The following PVT1 variants were observed in gnomAD, a reference collection of about 807,000 sequenced individuals.
PVT1 encodes the protein Pvt1 oncogene.
At chr8:128,094,659 A>G (rs561822540) in intron 5 of PVT1, among the ~76,000 whole-genome samples, 9 of 152,270 alleles carry the variant, frequency 5.9e-5, no homozygotes, top group Non-Finnish European at 1.3e-4. Context: ...GCTTGATATC[A>G]AGTGGGCACT....
intron 4 of PVT1, among the ~76,000 whole-genome samples, chr8:128,069,902 C>T (rs1377546632): frequency 6.6e-6 from 1 of 152,030 alleles, no homozygotes; most frequent in Non-Finnish European, 1.5e-5. Flanking sequence ...TTGATCTCTA[C>T]CAGGCCCCCT....
chr8:128,021,157 C>T (rs1379158527), intron 4 of PVT1, among the ~76,000 whole-genome samples: 2 of 152,082 alleles, frequency 1.3e-5, no homozygotes, highest in African/African-American at 2.4e-5. Flanking sequence ...TTGCTTCCAT[C>T]GCTCCCTAGC....
At chr8:127,926,384 C>T (rs542852952) in intron 3 of PVT1, among the ~76,000 whole-genome samples, 49 of 152,340 alleles carry the variant, frequency 3.2e-4, no homozygotes, top group African/African-American at 9.9e-4. Flanking sequence ...GCCGAGACGG[C>T]GGCTGCTAAT....
chr8:127,800,629 G>C (rs903548030), intron 2 of PVT1, among the ~76,000 whole-genome samples: 1 of 151,854 alleles, frequency 6.6e-6, no homozygotes, highest in African/African-American at 2.4e-5. Context: ...ATTTTTTCTC[G>C]ATAGGGCTTA....
chr8:127,883,280 G>A (rs1815489940), intron 2 of PVT1, among the ~76,000 whole-genome samples: 2 of 152,140 alleles, frequency 1.3e-5, no homozygotes, highest in Admixed American at 1.3e-4. Flanking sequence ...TGCCAACCCT[G>A]TATACTTTAA....
chr8:127,997,257 T>G (rs1222117865), intron 4 of PVT1, among the ~76,000 whole-genome samples: 1 of 151,888 alleles, frequency 6.6e-6, no homozygotes, highest in Non-Finnish European at 1.5e-5. Context: ...GTCAGGCTGG[T>G]CTCGAACTCC....
At chr8:127,872,236 A>T (rs571176914) in intron 2 of PVT1, among the ~76,000 whole-genome samples, 1 of 152,290 alleles carries the variant, frequency 6.6e-6, no homozygotes, top group South Asian at 2.1e-4. Flanking sequence ...TAACATGGTG[A>T]AACCTTATCT....
At chr8:128,031,338 A>G (rs1472462108) in intron 4 of PVT1, among the ~76,000 whole-genome samples, 1 of 152,258 alleles carries the variant, frequency 6.6e-6, no homozygotes, top group Admixed American at 6.5e-5. Flanking sequence ...CAAAAGCTGC[A>G]GAAAGCAGCA....
At chr8:127,890,551 CTG>C (rs1165997908) in intron 2 of PVT1, 1 of 152,276 alleles carries the variant, frequency 6.6e-6, no homozygotes, top group Non-Finnish European at 1.5e-5. Flanking sequence ...GAGTCAGTGA[CTG>C]TGACAAGACT....
chr8:127,916,638 C>T (rs1431709423), intron 3 of PVT1, among the ~76,000 whole-genome samples: 5 of 152,102 alleles, frequency 3.3e-5, no homozygotes, highest in Non-Finnish European at 2.9e-5. Flanking sequence ...GAATTATTCC[C>T]GGAAGATCCA....
At chr8:128,008,956 G>A (rs1216277835) in intron 4 of PVT1, 1 of 518,816 alleles carries the variant, frequency 1.9e-6, no homozygotes, top group East Asian at 5.5e-5. Context: ...AGTGAACGCT[G>A]CCAAATTATG....
chr8:127,823,909 G>A (rs1055696618), intron 2 of PVT1, among the ~76,000 whole-genome samples: 2 of 152,170 alleles, frequency 1.3e-5, no homozygotes, highest in African/African-American at 4.8e-5. Flanking sequence ...GGGGCTATCT[G>A]AGGCTGGGTG....
intron 4 of PVT1, among the ~76,000 whole-genome samples, chr8:128,044,503 T>C (rs1355404513): frequency 6.6e-6 from 1 of 152,216 alleles, no homozygotes; most frequent in African/African-American, 2.4e-5. Context: ...ATCACCCAGC[T>C]ACTGACAGGC....
chr8:127,973,762 G>A (rs1236363744), intron 3 of PVT1, among the ~76,000 whole-genome samples: 2 of 148,842 alleles, frequency 1.3e-5, no homozygotes, highest in Non-Finnish European at 3.0e-5. Context: ...GTGGATCAAC[G>A]AGGTCAGGAG....
At chr8:128,009,667 G>A (rs1478468864) in intron 4 of PVT1, 1 of 152,244 alleles carries the variant, frequency 6.6e-6, no homozygotes, top group Admixed American at 6.5e-5. Flanking sequence ...GGTTGTGCCA[G>A]TGCTGATCTG....
At position 128,002,968 on chromosome 8, in the gene PVT1, T is replaced by TCTTCCTTCCTTC. The variant is rs71300289; in HGVS notation, n.912+13692_912+13703dup. On this transcript the variant is annotated intron_variant and non_coding_transcript_variant, in intron 4 of 10. Transcript: ENST00000651587. ...CTCTCTGCCTCCCTCCCTCCCTCCC[T>TCTTCCTTCCTTC]CTTCCTTCCTTCCTTCCTTCCTTCC... Among the ~76,000 whole-genome samples the TCTTCCTTCCTTC allele has an allele frequency of 6.5e-3, 554 of 84,652 alleles. 12 individuals carry two copies. The highest frequency in any genetic ancestry group is 0.025 in the African/African-American group (538 of 21,372). 55.5% of individuals were successfully genotyped at this position (84,652 alleles called of 152,430 possible). A position where few individuals can be genotyped will look rare whatever the true frequency, so the allele number is the denominator to read the frequency against.
intron 4 of PVT1, among the ~76,000 whole-genome samples, chr8:128,034,544 A>G (rs960318458): frequency 2.0e-5 from 3 of 152,156 alleles, no homozygotes; most frequent in Admixed American, 6.5e-5. Flanking sequence ...TGGCTCCTTT[A>G]CTTATCTCTG....
At position 127,985,035 on chromosome 8, in the gene PVT1, TTTCC is replaced by T. The variant is rs1361162255; in HGVS notation, n.783-4123_783-4120del. On this transcript the variant is annotated intron_variant and non_coding_transcript_variant, in intron 3 of 10. Coordinates refer to ENST00000651587, the Ensembl canonical transcript of PVT1. Reference sequence around the variant, plus strand: ...CTTCCTTCCTTCCTTCCTTCCTTCCTTTCCTTCTTTTTTTTTTTGACAGATTCTC... The same window carrying T: ...CTTCCTTCCTTCCTTCCTTCCTTCCTTTCTTTTTTTTTTTGACAGATTCTC... Among the ~76,000 whole-genome samples, 1,045 of 123,904 alleles carry T rather than the reference TTTCC, an allele frequency of 8.4e-3. 68 individuals are homozygous for T. Among genetic ancestry groups the T allele is most frequent in the East Asian group, 0.054 (225 of 4,178 alleles). 81.3% of individuals were successfully genotyped at this position (123,904 alleles called of 152,430 possible). A position where few individuals can be genotyped will look rare whatever the true frequency, so the allele number is the denominator to read the frequency against.
chr8:127,871,093 G>T (rs187289840), intron 2 of PVT1, among the ~76,000 whole-genome samples: 2 of 152,164 alleles, frequency 1.3e-5, no homozygotes, highest in East Asian at 3.9e-4. Flanking sequence ...ACCATGCCCT[G>T]TCTACCTCCT....
Sources: gnomAD v4.1 joint callset for allele counts (sites outside exome capture counted in the v4.1 genomes callset) on GRCh38, gnomAD v4.1.1 for gene constraint, MANE v1.5 for transcripts, NCBI Gene and HGNC (gene_info 2026-07-23, HGNC 2026-07-21) for gene names.